The following TMEM132C variants were observed in gnomAD, a reference collection of about 807,000 sequenced individuals.
The protein encoded by TMEM132C is protein phosphatase 1, regulatory subunit 152.
A neutral mutation model predicts 61.4 loss-of-function variants in TMEM132C; 29 were observed. The observed-to-expected ratio is 0.47, with a 90% CI of 0.35 to 0.64. The LOEUF is 0.64. Among genes scored for constraint, TMEM132C ranks in the 30% least tolerant of loss-of-function variants. TMEM132C has a pLI of 0.00. For missense variants in TMEM132C, 1,408 were observed against 1,476.9 expected, an observed-to-expected ratio of 0.95 and a Z score of 0.76; for synonymous variants, 656 against 633.1, an observed-to-expected ratio of 1.04 and a Z score of -0.54.
chr12:128,479,301 A>T (rs144426317), intron 2 of TMEM132C, among the ~76,000 whole-genome samples: 207 of 152,120 alleles, frequency 1.4e-3, no homozygotes, highest in African/African-American at 4.7e-3. Flanking sequence ...TGTACAACAA[A>T]CCCTCATGAC....
chr12:128,628,957 G>A (rs1028745458), intron 4 of TMEM132C, among the ~76,000 whole-genome samples: 6 of 152,192 alleles, frequency 3.9e-5, no homozygotes, highest in Non-Finnish European at 8.8e-5. Context: ...TGAAACATGT[G>A]AGAGCATTGA....
Position 128,697,302 on chromosome 12 carries a change from T to C in TMEM132C, c.2008T>C (p.Leu670=). 1.3e-6 allele frequency: 2 copies of C among 1,551,052 alleles called. No individual in the cohort carries two copies. The highest frequency in any genetic ancestry group is 1.7e-6 in the Non-Finnish European group (2 of 1,146,432). The change falls in exon 8 of 9, where the codon TTG becomes CTG. Residue 670 remains leucine, a synonymous_variant. Transcript: ENST00000435159. ...VLDDKVSVTD[L]AIQLVAGLSV... The stretch of plus-strand genomic sequence containing the variant: ...AGATGACAAAGTATCGGTGACAGAC[T>C]TGGCCATCCAGCTCGTGGCTGGGCT...
intron 1 of TMEM132C, among the ~76,000 whole-genome samples, chr12:128,384,535 C>T (rs1270783724): frequency 1.3e-5 from 2 of 152,248 alleles, no homozygotes; most frequent in East Asian, 1.9e-4. Flanking sequence ...AAAGCAAGCC[C>T]GTGATGGTGG....
At chr12:128,548,163 AG>A (rs1874027814) in intron 3 of TMEM132C, among the ~76,000 whole-genome samples, 1 of 152,202 alleles carries the variant, frequency 6.6e-6, no homozygotes, top group Non-Finnish European at 1.5e-5. Context: ...AGTTTCAAAC[AG>A]GACCATGAAT....
rs1474067379 is a variant in TMEM132C at position 128,392,056 on chromosome 12, CTCTCTCTT to C, written c.86-22668_86-22661del. ...CCCTCTGCTCTCTCTGTCTCTGTCT[CTCTCTCTT>C]TCTCTCTCTCTCTCTCTCTCTCTCT... On this transcript the variant is annotated intron_variant, in intron 1 of 8. Transcript: ENST00000435159. Among the ~76,000 whole-genome samples the C allele has an allele frequency of 2.7e-3, 183 of 68,448 alleles. 1 individual carries two copies. Among genetic ancestry groups the C allele is most frequent in the Admixed American group, 0.014 (79 of 5,804 alleles). The allele number at this position is 68,448 out of a possible 152,430, so 44.9% of individuals were successfully genotyped here. A position where few individuals can be genotyped will look rare whatever the true frequency, so the allele number is the denominator to read the frequency against.
At chr12:128,348,895 T>C (rs1416008049) in intron 1 of TMEM132C, among the ~76,000 whole-genome samples, 1 of 152,260 alleles carries the variant, frequency 6.6e-6, no homozygotes, top group Non-Finnish European at 1.5e-5. Flanking sequence ...ACTGAGAGAA[T>C]TGGCTGAAAA....
intron 2 of TMEM132C, among the ~76,000 whole-genome samples, chr12:128,462,830 GTGCAACAGTTAGGAA>G (rs1870584592): frequency 6.6e-6 from 1 of 152,160 alleles, no homozygotes; most frequent in South Asian, 2.1e-4. Context: ...CCCAGTGTGG[GTGCAACAGTTAGGAA>G]TGCTTTTGGC....
At chr12:128,344,430 T>G (rs1052195193) in intron 1 of TMEM132C, among the ~76,000 whole-genome samples, 1 of 152,196 alleles carries the variant, frequency 6.6e-6, no homozygotes, top group African/African-American at 2.4e-5. Context: ...AGTGCTGGGA[T>G]TACAGGTGTG....
At chr12:128,551,388 G>A (rs187297707) in intron 3 of TMEM132C, among the ~76,000 whole-genome samples, 10 of 152,216 alleles carry the variant, frequency 6.6e-5, no homozygotes, top group Admixed American at 6.5e-4. Context: ...TAAACACTCA[G>A]ACCCAGGAAG....
rs535709501 is a variant in TMEM132C, at chr12:128,549,865, C to T, written c.1121+5762C>T. 2.4e-4 allele frequency among the ~76,000 whole-genome samples: 36 copies of T among 152,216 alleles called. 1 individual carries two copies. The highest frequency in any genetic ancestry group is 6.5e-4 in the African/African-American group (27 of 41,538). On this transcript the variant is annotated intron_variant, in intron 3 of 8. Coordinates refer to ENST00000435159, the MANE Select transcript of TMEM132C (RefSeq NM_001136103.3). ...TGACCTCAATTTGCATGGGGGGAAC[C>T]GAGACATGATGCATTTTTCAAACCC...
chr12:128,675,884 A>ATAAATAG (rs1566011935), intron 5 of TMEM132C, among the ~76,000 whole-genome samples: 1 of 42,734 alleles, frequency 2.3e-5, no homozygotes, highest in Non-Finnish European at 5.0e-5. Context: ...TAGATAGATA[A>ATAAATAG]ATAGATAGAT....
chr12:128,457,121 G>T (rs758856344), intron 2 of TMEM132C, among the ~76,000 whole-genome samples: 2 of 152,068 alleles, frequency 1.3e-5, no homozygotes, highest in Admixed American at 6.5e-5. Context: ...TTTTTGTGTG[G>T]ATACATGTTT....
At chr12:128,283,675 A>G (rs538174016) in intron 1 of TMEM132C, among the ~76,000 whole-genome samples, 1 of 152,298 alleles carries the variant, frequency 6.6e-6, no homozygotes, top group South Asian at 2.1e-4. Flanking sequence ...CTTAAAAACC[A>G]TGAGTTCACA....
At chr12:128,539,197 G>A (rs1242286804) in intron 2 of TMEM132C, among the ~76,000 whole-genome samples, 3 of 152,112 alleles carry the variant, frequency 2.0e-5, no homozygotes, top group South Asian at 4.1e-4. Context: ...TTCTTTCCAC[G>A]TCACTTGTAT....
intron 2 of TMEM132C, among the ~76,000 whole-genome samples, chr12:128,474,019 T>G (rs4882765): frequency 6.6e-6 from 1 of 152,216 alleles, no homozygotes; most frequent in Non-Finnish European, 1.5e-5. Flanking sequence ...TACCTTATTG[T>G]CATCTCGGGT....
intron 1 of TMEM132C, among the ~76,000 whole-genome samples, chr12:128,349,902 G>A (rs939264980): frequency 2.3e-5 from 3 of 133,322 alleles, no homozygotes; most frequent in Non-Finnish European, 4.8e-5. Context: ...CTCTAAATAT[G>A]TATGAACACG....
chr12:128,329,420 A>T (rs1872613928), intron 1 of TMEM132C, among the ~76,000 whole-genome samples: 1 of 152,184 alleles, frequency 6.6e-6, no homozygotes, highest in Non-Finnish European at 1.5e-5. Context: ...GGCCATTTGT[A>T]CAAGGCTGAA....
chr12:128,361,284 C>T (rs1437750108), intron 1 of TMEM132C, among the ~76,000 whole-genome samples: 1 of 152,122 alleles, frequency 6.6e-6, no homozygotes, highest in Admixed American at 6.6e-5. Flanking sequence ...AACTGAAATT[C>T]TTTGGGGTTT....
At position 128,616,229 on chromosome 12, in the gene TMEM132C, C is replaced by A. The variant is rs2135583840; in HGVS notation, c.1199C>A (p.Pro400His). 6.4e-7 allele frequency: 1 copy of A among 1,551,778 alleles called. No individual in the cohort carries two copies. The highest frequency in any genetic ancestry group is 8.7e-7 in the Non-Finnish European group (1 of 1,147,010). Residue 400 changes from proline to histidine, a missense_variant, in exon 4 of 9, where the codon CCC becomes CAC. Physicochemically the swap from Pro to His is moderately conservative, Grantham distance 77 (BLOSUM62 -2). Coordinates refer to ENST00000435159, the MANE Select transcript of TMEM132C (RefSeq NM_001136103.3). ...TTCAGCAGCCTTTCAGGGACTCAGC[C>A]CATCACGTGGCAGGTGGAGTACCCA... ...ASFSSLSGTQ[P>H]ITWQVEYPRK...
Sources: gnomAD v4.1 joint callset for allele counts (sites outside exome capture counted in the v4.1 genomes callset) on GRCh38, gnomAD v4.1.1 for gene constraint, MANE v1.5 for transcripts, NCBI Gene and HGNC (gene_info 2026-07-23, HGNC 2026-07-21) for gene names.